Variants in PTPN9 observed in about 807,000 individuals in gnomAD.
PTPN9 encodes the protein protein tyrosine phosphatase non-receptor type 9.
Under a neutral mutation model 69.8 loss-of-function variants are expected in PTPN9, and 26 were observed. The ratio of observed to expected loss-of-function variants is 0.37; its 90% CI spans 0.27 to 0.52. The LOEUF (loss-of-function observed/expected upper bound fraction) is 0.52. PTPN9 is among the 20% of genes least tolerant of loss of function. The pLI is 0.91. For missense variants in PTPN9, 549 were observed against 740.3 expected (o/e 0.74, Z 3.00); for synonymous variants, 274 against 272.5 (o/e 1.01, Z -0.05).
At chr15:75,575,396 T>C (rs2075167602) in intron 1 of PTPN9, among the ~76,000 whole-genome samples, 1 of 152,180 alleles carries the variant, frequency 6.6e-6, no homozygotes, top group Non-Finnish European at 1.5e-5. Context: ...AAAAGATTTT[T>C]TGCTATTTAC....
chr15:75,511,110 A>AAT (rs2074843290), intron 5 of PTPN9, among the ~76,000 whole-genome samples: 1 of 152,114 alleles, frequency 6.6e-6, no homozygotes, highest in Admixed American at 6.6e-5. Context: ...CTTATCTATT[A>AAT]ATCCGTTGAT....
intron 1 of PTPN9, among the ~76,000 whole-genome samples, chr15:75,540,035 G>C (rs2075001695): frequency 6.6e-6 from 1 of 152,166 alleles, no homozygotes; most frequent in African/African-American, 2.4e-5. Flanking sequence ...GAAGTGTGAA[G>C]TATAGAATTC....
At chr15:75,566,178 C>A (rs1284608077) in intron 1 of PTPN9, among the ~76,000 whole-genome samples, 1 of 151,720 alleles carries the variant, frequency 6.6e-6, no homozygotes, top group African/African-American at 2.4e-5. Context: ...CCGAGAGCCA[C>A]AAAGGAAGCT....
At chr15:75,515,442 A>G (rs1298546209) in intron 5 of PTPN9, among the ~76,000 whole-genome samples, 24 of 151,394 alleles carry the variant, frequency 1.6e-4, no homozygotes, top group Middle Eastern at 3.4e-3. Context: ...AAAAAAAAAA[A>G]AAAAGAAATC....
chr15:75,555,771 G>A (rs2141337507), intron 1 of PTPN9, among the ~76,000 whole-genome samples: 1 of 151,992 alleles, frequency 6.6e-6, no homozygotes, highest in South Asian at 2.1e-4. Flanking sequence ...TCCCAAAGTA[G>A]TGGGATTACA....
At chr15:75,535,432 T>C (rs2074978837) in intron 1 of PTPN9, among the ~76,000 whole-genome samples, 1 of 152,156 alleles carries the variant, frequency 6.6e-6, no homozygotes, top group African/African-American at 2.4e-5. Context: ...CTCTGGCAGC[T>C]CCAGAGATTA....
At position 75,468,638 on chromosome 15, in the gene PTPN9, C is replaced by T. The variant is rs922318587; in HGVS notation, c.*131G>A. The T allele has an allele frequency of 7.6e-6, 6 of 789,826 alleles. No homozygotes were observed. Among genetic ancestry groups the T allele is most frequent in the Non-Finnish European group, 1.0e-5 (5 of 478,352 alleles). 48.9% of individuals were successfully genotyped at this position (789,826 alleles called of 1,614,324 possible). On this transcript the variant is annotated 3_prime_UTR_variant, in exon 13 of 13. Coordinates refer to ENST00000618819, the MANE Select transcript of PTPN9 (RefSeq NM_002833.4). ...AAAGGGAAAGGCTGCCTTGCGTGCA[C>T]ACGTGTGCTGGGAGACACAAGAAAG... is the stretch of plus-strand genomic sequence containing the variant.
At chr15:75,508,337 T>G (rs2074830623) in intron 6 of PTPN9, among the ~76,000 whole-genome samples, 2 of 152,122 alleles carry the variant, frequency 1.3e-5, no homozygotes, top group African/African-American at 4.8e-5. Context: ...GTGTTAGTAT[T>G]ATAAGCATGA....
In PTPN9 at chr15:75,523,229, G is replaced by A. The variant is rs1329409957; in HGVS notation, c.314C>T (p.Thr105Ile). 3 of 1,613,950 alleles carry A rather than the reference G, an allele frequency of 1.9e-6. No homozygotes were observed. The highest frequency in any genetic ancestry group is 2.5e-6 in the Non-Finnish European group (3 of 1,179,958). Reference sequence around the variant, plus strand: ...AGTAAAGAGGGCAATGGAGGCTCCTGTTGGGTCCCGAACATTCTAAAGCAA... The same window carrying A: ...AGTAAAGAGGGCAATGGAGGCTCCTATTGGGTCCCGAACATTCTAAAGCAA... The part of the protein sequence containing the change: ...KFTILNVRDP[T>I]GASIALFTAR... The change falls in exon 4 of 13, where the codon ACA becomes ATA. Residue 105 changes from threonine (T) to isoleucine (I), a missense_variant. Physicochemically the swap from Thr to Ile is moderately conservative, Grantham distance 89. Coordinates refer to ENST00000618819, the MANE Select transcript of PTPN9 (RefSeq NM_002833.4).
chr15:75,509,119 C>A (rs1409106911), intron 5 of PTPN9, 92 bp from the exon 6 acceptor site: 5 of 1,009,640 alleles, frequency 5.0e-6, no homozygotes, highest in Non-Finnish European at 7.6e-6. Flanking sequence ...CCCATTCTTA[C>A]CCAGCAGGGG....
chr15:75,530,866 T>C, intron 1 of PTPN9, among the ~76,000 whole-genome samples: 1 of 109,240 alleles, frequency 9.2e-6, no homozygotes, highest in South Asian at 2.4e-4. Context: ...ATATATTATA[T>C]ATTACGATAT....
intron 9 of PTPN9, among the ~76,000 whole-genome samples, chr15:75,477,052 C>T (rs2074600319): frequency 6.6e-6 from 1 of 152,204 alleles, no homozygotes; most frequent in Non-Finnish European, 1.5e-5. Flanking sequence ...GAAATAAAGT[C>T]AGCAGTTTAT....
chr15:75,505,122 C>A (rs1366888885), intron 7 of PTPN9, among the ~76,000 whole-genome samples: 1 of 151,816 alleles, frequency 6.6e-6, no homozygotes. Flanking sequence ...AAGATAAATT[C>A]TTCTGCCTTG....
At chr15:75,573,638 G>A (rs986876119) in intron 1 of PTPN9, among the ~76,000 whole-genome samples, 1 of 152,184 alleles carries the variant, frequency 6.6e-6, no homozygotes, top group Non-Finnish European at 1.5e-5. Flanking sequence ...GATGCTGCCT[G>A]TATACAAATC....
intron 1 of PTPN9, among the ~76,000 whole-genome samples, chr15:75,561,884 T>G (rs1311496749): frequency 6.6e-6 from 1 of 152,116 alleles, no homozygotes; most frequent in Non-Finnish European, 1.5e-5. Flanking sequence ...TAATTTTGTA[T>G]GTTTAGTGAG....
At chr15:75,534,578 G>A (rs1036039066) in intron 1 of PTPN9, among the ~76,000 whole-genome samples, 2 of 151,846 alleles carry the variant, frequency 1.3e-5, no homozygotes, top group African/African-American at 4.8e-5. Context: ...GGGGGGCTGA[G>A]GTGGGAGGAG....
intron 1 of PTPN9, among the ~76,000 whole-genome samples, chr15:75,544,394 G>C (rs574239337): frequency 6.6e-6 from 1 of 152,156 alleles, no homozygotes. Context: ...AATTAGCCGG[G>C]TGTGGCAGTG....
At chr15:75,497,837 A>G (rs1305294294) in intron 7 of PTPN9, among the ~76,000 whole-genome samples, 2 of 151,546 alleles carry the variant, frequency 1.3e-5, no homozygotes, top group Admixed American at 6.6e-5. Context: ...CAAATATAAC[A>G]AAATATTAAC....
chr15:75,490,446 A>C lies in PTPN9; in HGVS notation c.969-145T>G, dbSNP rs980862594. On this transcript the variant is annotated intron_variant, in intron 7 of 12. Coordinates refer to ENST00000618819, the MANE Select transcript of PTPN9 (RefSeq NM_002833.4). ...TTCAATTTCTAGCCCATACAGTTCC[A>C]TATCATTTAACATTTTTTGTGGTAA... is the stretch of plus-strand genomic sequence containing the variant. 5 of 628,110 alleles carry C rather than the reference A, an allele frequency of 8.0e-6. No homozygotes were observed. The Admixed American group carries it at 1.4e-4, about 18-fold the overall frequency. 38.9% of individuals were successfully genotyped at this position (628,110 alleles called of 1,614,324 possible).
Sources: gnomAD v4.1 joint callset for allele counts (sites outside exome capture counted in the v4.1 genomes callset) on GRCh38, gnomAD v4.1.1 for gene constraint, MANE v1.5 for transcripts, NCBI Gene and HGNC (gene_info 2026-07-23, HGNC 2026-07-21) for gene names.